TMEM266: variants seen among roughly 807,000 people sequenced by gnomAD.
TMEM266 encodes Hv1 related protein 1.
Under a neutral mutation model 50.5 loss-of-function variants are expected in TMEM266, and 33 were observed. The ratio of observed to expected loss-of-function variants is 0.65; its 90% CI spans 0.50 to 0.87. TMEM266 has a LOEUF of 0.87. Among genes scored for constraint, TMEM266 ranks in the 40% least tolerant of loss-of-function variants. The pLI, the probability that TMEM266 is intolerant of heterozygous loss-of-function variation, is 0.00. For synonymous variants in TMEM266, 310 were observed against 292.3 expected (o/e 1.06, Z -0.62); for missense variants, 655 against 695.1 (o/e 0.94, Z 0.65).
In TMEM266 at chr15:76,161,190, G is replaced by C. The variant is rs1291514874; in HGVS notation, c.456+1022G>C. On this transcript the variant is annotated intron_variant, in intron 5 of 10. Transcript: ENST00000388942. This position sits in a 1 kb window ranked among gnomAD's most constrained non-coding sequence, Gnocchi z 4.1. ...TACATATTAGCCCATGCAAAGTCCCGTGGGCCTTTCAGCATGGCTCAGGAA... is the reference window on the plus strand; with the variant it reads ...TACATATTAGCCCATGCAAAGTCCCCTGGGCCTTTCAGCATGGCTCAGGAA... Among the ~76,000 whole-genome samples the C allele has an allele frequency of 6.6e-6, 1 of 152,152 alleles. No individual in the cohort carries two copies. The highest frequency in any genetic ancestry group is 1.5e-5 in the Non-Finnish European group (1 of 68,026).
Position 76,183,970 on chromosome 15 carries a change from G to A in TMEM266, c.769-7998G>A, listed in dbSNP as rs1030246737. ...GCCCATCTCCCCATCCAGGCCTCTC[G>A]CTGGACCCCATTGTCCCCTGGTTTT... On this transcript the variant is annotated intron_variant, in intron 8 of 10. Transcript: ENST00000388942. 4.6e-5 allele frequency among the ~76,000 whole-genome samples: 7 copies of A among 152,298 alleles called. No homozygotes were observed. In the East Asian group the frequency reaches 5.8e-4, roughly 13 times the overall value.
At chr15:76,192,712 G>A (rs2038599495) in intron 9 of TMEM266, among the ~76,000 whole-genome samples, 1 of 152,204 alleles carries the variant, frequency 6.6e-6, no homozygotes, top group Admixed American at 6.5e-5. Flanking sequence ...GATAGCCCAG[G>A]GTAGGGTCCT....
intron 1 of TMEM266, among the ~76,000 whole-genome samples, chr15:76,115,051 G>A (rs1238052780): frequency 6.6e-6 from 1 of 152,156 alleles, no homozygotes; most frequent in Non-Finnish European, 1.5e-5. Flanking sequence ...CAGGAAGATT[G>A]CTTGAGCCCA....
intron 1 of TMEM266, among the ~76,000 whole-genome samples, chr15:76,068,513 C>T (rs541606726): frequency 2.6e-5 from 4 of 152,248 alleles, no homozygotes; most frequent in African/African-American, 9.6e-5. Flanking sequence ...AGCCCTAACC[C>T]CCAATGTGAC....
chr15:76,169,811 C>A lies in TMEM266; in HGVS notation c.457-5C>A, dbSNP rs201844390. 5.0e-5 allele frequency: 80 copies of A among 1,613,654 alleles called. No individual in the cohort carries two copies. Among genetic ancestry groups the A allele is most frequent in the Non-Finnish European group, 5.7e-5 (67 of 1,179,714 alleles). On this transcript the variant is annotated splice_polypyrimidine_tract_variant and splice_region_variant and intron_variant, in intron 5 of 10. Transcript: ENST00000388942. ...AATAACCACTTTCTCACTTCCTTTC[C>A]TCAGACTGTTCTACGGATTGTGGTG...
In TMEM266 at chr15:76,202,265, G is replaced by GT. The variant is rs1567187433; in HGVS notation, c.1021+2dup. On this transcript the variant is annotated splice_donor_variant, in intron 10 of 10. Coordinates refer to ENST00000388942, the MANE Select transcript of TMEM266 (RefSeq NM_152335.3). LOFTEE classifies it high-confidence loss of function. ...CAGTATTACAATGGGCCCAGCAGTG[G>GT]TAAGTCTGGGTTGGGGCTGTTCTAC... 12 of 1,613,104 alleles carry GT rather than the reference G, an allele frequency of 7.4e-6. No individual in the cohort carries two copies. Among genetic ancestry groups the GT allele is most frequent in the Non-Finnish European group, 1.0e-5 (12 of 1,179,324 alleles).
At chr15:76,080,478 C>T (rs977492263) in intron 1 of TMEM266, among the ~76,000 whole-genome samples, 8 of 150,864 alleles carry the variant, frequency 5.3e-5, no homozygotes, top group African/African-American at 9.8e-5. Flanking sequence ...CTCGAACTCC[C>T]GACCTTGTGA....
intron 7 of TMEM266, among the ~76,000 whole-genome samples, chr15:76,173,954 A>G (rs1002307580): frequency 6.6e-6 from 1 of 151,626 alleles, no homozygotes; most frequent in East Asian, 1.9e-4. Flanking sequence ...AAAAAAAAAA[A>G]AAGAGGTCTG....
At chr15:76,191,754 G>A (rs2038574491) in intron 8 of TMEM266, 3 of 494,390 alleles carry the variant, frequency 6.1e-6, no homozygotes, top group Non-Finnish European at 1.1e-5. Context: ...CACCTGAGAC[G>A]CAGGATCGCA....
intron 2 of TMEM266, among the ~76,000 whole-genome samples, chr15:76,137,105 G>C (rs1433913863): frequency 6.6e-6 from 1 of 152,092 alleles, no homozygotes; most frequent in Non-Finnish European, 1.5e-5. Flanking sequence ...GAGACATATG[G>C]TAGCACCAGT....
chr15:76,098,878 G>C (rs1289662505), intron 1 of TMEM266, among the ~76,000 whole-genome samples: 4 of 152,152 alleles, frequency 2.6e-5, no homozygotes, highest in Admixed American at 2.0e-4. Flanking sequence ...TACACTGTGA[G>C]CGTGAAACTG....
At chr15:76,072,060 A>G (rs2036546601) in intron 1 of TMEM266, among the ~76,000 whole-genome samples, 1 of 152,182 alleles carries the variant, frequency 6.6e-6, no homozygotes, top group Non-Finnish European at 1.5e-5. Flanking sequence ...TTGGAGAGAA[A>G]TAAACGTATT....
chr15:76,083,900 G>A (rs1269543185), intron 1 of TMEM266, among the ~76,000 whole-genome samples: 1 of 152,166 alleles, frequency 6.6e-6, no homozygotes, highest in African/African-American at 2.4e-5. Context: ...AGGAAATAAT[G>A]TATTATAATG....
intron 1 of TMEM266, among the ~76,000 whole-genome samples, chr15:76,095,986 A>G (rs983130001): frequency 2.6e-5 from 4 of 151,590 alleles, no homozygotes; most frequent in African/African-American, 9.7e-5. Flanking sequence ...TTTTTATTGC[A>G]TCTATTTGAT....
chr15:76,154,383 C>T (rs1049354551), intron 3 of TMEM266, among the ~76,000 whole-genome samples: 1 of 152,060 alleles, frequency 6.6e-6, no homozygotes, highest in Non-Finnish European at 1.5e-5. Flanking sequence ...CCCTGTGTGC[C>T]GGCATGAAAG....
chr15:76,080,582 G>A (rs1281603428), intron 1 of TMEM266, among the ~76,000 whole-genome samples: 3 of 151,440 alleles, frequency 2.0e-5, no homozygotes, highest in Non-Finnish European at 4.4e-5. Flanking sequence ...ACAACTACCT[G>A]CCCATTGAGC....
intron 1 of TMEM266, among the ~76,000 whole-genome samples, chr15:76,104,676 G>T (rs1397046955): frequency 1.3e-5 from 2 of 152,138 alleles, no homozygotes; most frequent in African/African-American, 4.8e-5. Context: ...GCTCGTGATT[G>T]CTCGATTTCC....
At chr15:76,189,546 G>A (rs983699436) in intron 8 of TMEM266, among the ~76,000 whole-genome samples, 1 of 152,200 alleles carries the variant, frequency 6.6e-6, no homozygotes, top group Non-Finnish European at 1.5e-5. Context: ...GGAGGACAGT[G>A]AGGGAAATGG....
At position 76,204,930 on chromosome 15, in the gene TMEM266, T is replaced by G. The variant is rs2038815406; in HGVS notation, c.*615T>G. 1 of 152,742 alleles carries G rather than the reference T, an allele frequency of 6.5e-6. No individual in the cohort carries two copies. Among genetic ancestry groups the G allele is most frequent in the South Asian group, 2.1e-4 (1 of 4,836 alleles). The allele number at this position is 152,742 out of a possible 1,614,324, so 9.5% of individuals were successfully genotyped here. A position where few individuals can be genotyped will look rare whatever the true frequency, so the allele number is the denominator to read the frequency against. ...GCAGGGGAACAACCATTTTCCAACC[T>G]TGGCTTTAATAATAAAAACCAGCTG... is the stretch of plus-strand genomic sequence containing the variant. On this transcript the variant is annotated 3_prime_UTR_variant, in exon 11 of 11. Coordinates refer to ENST00000388942, the MANE Select transcript of TMEM266 (RefSeq NM_152335.3).
Sources: gnomAD v4.1 joint callset for allele counts (sites outside exome capture counted in the v4.1 genomes callset) on GRCh38, gnomAD v4.1.1 for gene constraint, Gnocchi (gnomAD v3.1) non-coding constraint, MANE v1.5 for transcripts, NCBI Gene and HGNC (gene_info 2026-07-23, HGNC 2026-07-21) for gene names.